CREB3L1: variants seen among roughly 807,000 people sequenced by gnomAD.
CREB3L1 encodes the protein cAMP responsive element binding protein 3 like 1.
Under a neutral mutation model 54.5 loss-of-function variants are expected in CREB3L1, and 33 were observed. The ratio of observed to expected loss-of-function variants is 0.61; its 90% CI spans 0.46 to 0.81. The LOEUF is 0.81. CREB3L1 is among the 30% of genes least tolerant of loss of function. The probability of loss-of-function intolerance (pLI) is 0.00; values close to 1 mark genes in which losing one functional copy is unlikely to be tolerated. For missense variants in CREB3L1, 656 were observed against 673.3 expected, an observed-to-expected ratio of 0.97 and a Z score of 0.29; for synonymous variants, 284 against 286.4, an observed-to-expected ratio of 0.99 and a Z score of 0.08.
At chr11:46,319,025 T>C (rs150573775) in intron 10 of CREB3L1, among the ~76,000 whole-genome samples, 21 of 152,244 alleles carry the variant, frequency 1.4e-4, no homozygotes, top group African/African-American at 2.2e-4. Context: ...GAGCCATGTG[T>C]CTGCTTTTCC....
intron 1 of CREB3L1, among the ~76,000 whole-genome samples, chr11:46,297,742 T>C (rs1170241179): frequency 6.6e-6 from 1 of 152,232 alleles, no homozygotes; most frequent in Non-Finnish European, 1.5e-5. Context: ...TGAGCTCATT[T>C]TGTCCTGGAT....
chr11:46,312,272 A>T, intron 5 of CREB3L1, 53 bp from the exon 6 acceptor site: 1 of 1,496,674 alleles, frequency 6.7e-7, no homozygotes, highest in Non-Finnish European at 9.0e-7. Context: ...GCAGAGCTTG[A>T]ATTTGAACCC....
At position 46,310,046 on chromosome 11, in the gene CREB3L1, C is replaced by A; in HGVS notation, c.574C>A (p.Gln192Lys). ...VIKAEPLEVN[Q>K]FLKVTPEDLV... ...CAAAGCAGAGCCTCTGGAGGTGAAC[C>A]AGTTCCTCAAAGTGACACCGGGTAG... Residue 192 changes from glutamine to lysine, a missense_variant, in exon 4 of 12, where the codon CAG becomes AAG. Gln to Lys is a moderately conservative substitution (Grantham distance 53). This residue lies in a region of CREB3L1 where 339 missense variants were observed against 331.5 expected (regional missense o/e 1.02). Transcript: ENST00000621158. The A allele has an allele frequency of 6.3e-7, 1 of 1,599,486 alleles. No individual in the cohort carries two copies. Among genetic ancestry groups the A allele is most frequent in the Non-Finnish European group, 8.5e-7 (1 of 1,173,268 alleles).
intron 2 of CREB3L1, among the ~76,000 whole-genome samples, chr11:46,300,956 GA>G (rs1939289962): frequency 7.3e-6 from 1 of 136,388 alleles, no homozygotes; most frequent in South Asian, 2.4e-4. Flanking sequence ...AGTGAGCCAA[GA>G]TTGCGCCACT....
chr11:46,318,765 G>A (rs1048397319), intron 10 of CREB3L1, among the ~76,000 whole-genome samples: 11 of 152,176 alleles, frequency 7.2e-5, no homozygotes, highest in Non-Finnish European at 1.2e-4. Flanking sequence ...GACAGGAGGA[G>A]GAAGAGGAAA....
At chr11:46,317,882 A>G (rs550485881) in intron 10 of CREB3L1, among the ~76,000 whole-genome samples, 2 of 152,294 alleles carry the variant, frequency 1.3e-5, no homozygotes, top group South Asian at 2.1e-4. Context: ...CTCAAAAGCC[A>G]TTTCCAATAA....
chr11:46,303,904 C>T (rs888797996), intron 2 of CREB3L1, among the ~76,000 whole-genome samples: 1 of 151,738 alleles, frequency 6.6e-6, no homozygotes, highest in East Asian at 1.9e-4. Flanking sequence ...TACCTAAGAG[C>T]CTGAGGCAGG....
chr11:46,301,672 A>G (rs1331392514), intron 2 of CREB3L1, among the ~76,000 whole-genome samples: 1 of 150,668 alleles, frequency 6.6e-6, no homozygotes, highest in Non-Finnish European at 1.5e-5. Context: ...CAAAAAAAAA[A>G]AATAGACGGG....
chr11:46,296,026 C>A (rs1939206111), intron 1 of CREB3L1, among the ~76,000 whole-genome samples: 1 of 152,232 alleles, frequency 6.6e-6, no homozygotes, highest in Non-Finnish European at 1.5e-5. Flanking sequence ...TTCCCACCCC[C>A]GTTGCCTGGA....
chr11:46,301,811 C>T (rs1939307857), intron 2 of CREB3L1, among the ~76,000 whole-genome samples: 1 of 151,884 alleles, frequency 6.6e-6, no homozygotes, highest in Non-Finnish European at 1.5e-5. Context: ...ATTAGCCAGG[C>T]GTGGTGGTGG....
rs773847369 is a variant in CREB3L1 at position 46,320,731 on chromosome 11, C to T, written c.1545C>T (p.Thr515=). 3.7e-6 allele frequency: 6 copies of T among 1,612,392 alleles called. No homozygotes were observed. The South Asian group carries it at 6.6e-5, about 18-fold the overall frequency. Residue 515 remains threonine, a synonymous_variant, in exon 12 of 12, where the codon ACC becomes ACT. Coordinates refer to ENST00000621158, the MANE Select transcript of CREB3L1 (RefSeq NM_052854.4). ...CCAGGGATCTGGGCCCCAACACCAC[C>T]ATCAAACTCTCCTAGGCCATGCCAA... The part of the protein sequence containing the change: ...FHDRDLGPNT[T]IKLS
At chr11:46,304,035 A>G (rs113868184) in intron 2 of CREB3L1, among the ~76,000 whole-genome samples, 3 of 152,200 alleles carry the variant, frequency 2.0e-5, no homozygotes, top group East Asian at 1.9e-4. Context: ...CAGAAACACT[A>G]TGGGTGCTTG....
intron 1 of CREB3L1, among the ~76,000 whole-genome samples, chr11:46,288,708 G>A (rs550530624): frequency 2.6e-4 from 40 of 152,306 alleles, no homozygotes; most frequent in Admixed American, 5.2e-4. Flanking sequence ...TGTGGAGTGG[G>A]GGCCCATATT....
chr11:46,320,645 C>A, intron 11 of CREB3L1, 65 bp from the exon 12 acceptor site: 1 of 1,572,176 alleles, frequency 6.4e-7, no homozygotes. Flanking sequence ...TGGTCTAGAT[C>A]CAGCTTGCAG....
chr11:46,284,031 C>T (rs183829582), intron 1 of CREB3L1, among the ~76,000 whole-genome samples: 7 of 152,292 alleles, frequency 4.6e-5, no homozygotes, highest in East Asian at 3.9e-4. Flanking sequence ...GAGGTCCCTC[C>T]GGCTTCCCTG....
At chr11:46,287,011 T>G (rs1939064335) in intron 1 of CREB3L1, among the ~76,000 whole-genome samples, 1 of 152,040 alleles carries the variant, frequency 6.6e-6, no homozygotes, top group Non-Finnish European at 1.5e-5. Context: ...GTGCAGACAG[T>G]GGGTCCACAG....
In CREB3L1 at chr11:46,305,148, C is replaced by T. The variant is rs544583437; in HGVS notation, c.332-2668C>T. 1.0e-3 allele frequency among the ~76,000 whole-genome samples: 152 copies of T among 152,248 alleles called. 1 individual carries two copies. Among genetic ancestry groups the T allele is most frequent in the African/African-American group, 3.2e-3 (135 of 41,546 alleles). On this transcript the variant is annotated intron_variant, in intron 2 of 11. Transcript: ENST00000621158. ...CCCCTCCCCTCTCCCCTGTCTTACC[C>T]GCTGCTTCAATGGCTACCAGGCAGT... is the stretch of plus-strand genomic sequence containing the variant.
Position 46,321,352 on chromosome 11 carries a change from T to A in CREB3L1, c.*606T>A. On this transcript the variant is annotated 3_prime_UTR_variant, in exon 12 of 12. Transcript: ENST00000621158. ...TGGGCCTTTTTAATTGCCAAACTGCTCTCTTCATCAGCTCAGCACATGCTT... is the reference window on the plus strand; with the variant it reads ...TGGGCCTTTTTAATTGCCAAACTGCACTCTTCATCAGCTCAGCACATGCTT... 4.6e-6 allele frequency: 1 copy of A among 218,252 alleles called. No individual in the cohort carries two copies. The highest frequency in any genetic ancestry group is 9.2e-6 in the Non-Finnish European group (1 of 109,218). The allele number at this position is 218,252 out of a possible 1,614,324, so 13.5% of individuals were successfully genotyped here. A position where few individuals can be genotyped will look rare whatever the true frequency, so the allele number is the denominator to read the frequency against.
At chr11:46,297,538 A>C (rs979900291) in intron 1 of CREB3L1, among the ~76,000 whole-genome samples, 3 of 152,216 alleles carry the variant, frequency 2.0e-5, no homozygotes, top group African/African-American at 4.8e-5. Context: ...CTGCTGCATT[A>C]GCGCCCTTGG....
Sources: allele counts gnomAD v4.1 joint callset (sites outside exome capture counted in the v4.1 genomes callset), GRCh38; gene constraint gnomAD v4.1.1; regional missense constraint gnomAD v4.1.1; transcripts MANE v1.5; gene names NCBI Gene and HGNC (gene_info 2026-07-23, HGNC 2026-07-21).